Variants in CCDC178 observed in about 807,000 individuals in gnomAD.
CCDC178 encodes coiled-coil domain-containing protein 178.
A neutral mutation model predicts 117.4 loss-of-function variants in CCDC178; 126 were observed. The ratio of observed to expected loss-of-function variants is 1.07; its 90% CI spans 0.93 to 1.24. The LOEUF (loss-of-function observed/expected upper bound fraction) is 1.24, where lower values mean the gene tolerates loss of function less well. Ranked by LOEUF, CCDC178 falls within the 50% of genes most tolerant of loss-of-function variation. The pLI is 0.00. For synonymous variants in CCDC178, 283 were observed against 313.4 expected, an observed-to-expected ratio of 0.90 and a Z score of 1.02; for missense variants, 1,030 against 986.9, an observed-to-expected ratio of 1.04 and a Z score of -0.59.
intron 14 of CCDC178, among the ~76,000 whole-genome samples, chr18:33,249,719 T>C (rs1278191989): frequency 6.6e-6 from 1 of 152,102 alleles, no homozygotes; most frequent in African/African-American, 2.4e-5. Context: ...TCAGCTTTGT[T>C]CTTTTGGCTT....
intron 20 of CCDC178, among the ~76,000 whole-genome samples, chr18:33,101,787 G>A (rs942975770): frequency 6.6e-6 from 1 of 151,876 alleles, no homozygotes; most frequent in Admixed American, 6.6e-5. Flanking sequence ...AGGGGTTCCA[G>A]AACACATATT....
intron 20 of CCDC178, among the ~76,000 whole-genome samples, chr18:33,162,358 C>A (rs1197200794): frequency 2.0e-5 from 3 of 152,114 alleles, no homozygotes; most frequent in Non-Finnish European, 4.4e-5. Context: ...TGTTAAAGTT[C>A]ATTTGTAATA....
chr18:33,345,422 G>A lies in CCDC178; in HGVS notation c.658+789C>T, dbSNP rs562894792. The stretch of plus-strand genomic sequence containing the variant: ...ATTTCCTTTTTTACCTTTCGTTAAA[G>A]GTAAAACACTTGCTACCTGCATGAC... On this transcript the variant is annotated intron_variant, in intron 9 of 22. Coordinates refer to ENST00000383096, the MANE Select transcript of CCDC178 (RefSeq NM_001105528.4). 2.0e-5 allele frequency among the ~76,000 whole-genome samples: 3 copies of A among 152,198 alleles called. No homozygotes were observed. The East Asian group carries it at 5.8e-4, about 29-fold the overall frequency.
At chr18:33,250,672 A>G (rs1018811066) in intron 14 of CCDC178, among the ~76,000 whole-genome samples, 1 of 151,724 alleles carries the variant, frequency 6.6e-6, no homozygotes, top group Non-Finnish European at 1.5e-5. Context: ...CAATTCACAA[A>G]TCAACTATCA....
chr18:33,243,623 T>G (rs1270944565), intron 15 of CCDC178, among the ~76,000 whole-genome samples: 1 of 151,916 alleles, frequency 6.6e-6, no homozygotes, highest in Non-Finnish European at 1.5e-5. Flanking sequence ...AAACTTGCAT[T>G]GAATCTGTAA....
intron 20 of CCDC178, among the ~76,000 whole-genome samples, chr18:33,167,899 T>C (rs2058552427): frequency 1.3e-5 from 2 of 150,484 alleles, no homozygotes; most frequent in Admixed American, 6.6e-5. Context: ...AATAAATAAA[T>C]AATAAAAGTG....
intron 11 of CCDC178, among the ~76,000 whole-genome samples, chr18:33,321,830 G>A (rs571976684): frequency 6.6e-6 from 1 of 151,504 alleles, no homozygotes; most frequent in African/African-American, 2.4e-5. Context: ...ATTCATGAAC[G>A]CACTTAATGG....
chr18:32,962,524 G>C (rs1169662871), intron 22 of CCDC178, among the ~76,000 whole-genome samples: 1 of 151,984 alleles, frequency 6.6e-6, no homozygotes, highest in Admixed American at 6.6e-5. Context: ...TTTCTGGGTA[G>C]AGAATTCTGG....
At chr18:33,176,010 G>T (rs1164159676) in intron 20 of CCDC178, among the ~76,000 whole-genome samples, 1 of 151,750 alleles carries the variant, frequency 6.6e-6, no homozygotes, top group Non-Finnish European at 1.5e-5. Context: ...GGACACCTAT[G>T]TAGTTAAGGG....
At chr18:33,140,112 G>C (rs1231035573) in intron 20 of CCDC178, among the ~76,000 whole-genome samples, 1 of 152,164 alleles carries the variant, frequency 6.6e-6, no homozygotes, top group African/African-American at 2.4e-5. Flanking sequence ...CAAGAGTTGA[G>C]GTTTGGGAAC....
intron 21 of CCDC178, among the ~76,000 whole-genome samples, chr18:33,021,844 TTAG>T (rs1209191509): frequency 6.6e-6 from 1 of 152,218 alleles, no homozygotes; most frequent in Non-Finnish European, 1.5e-5. Context: ...TTATTGCCTC[TTAG>T]TGGTGGCTTC....
chr18:33,327,599 T>C (rs1467217210), intron 10 of CCDC178, among the ~76,000 whole-genome samples: 4 of 152,230 alleles, frequency 2.6e-5, no homozygotes, highest in Non-Finnish European at 4.4e-5. Context: ...CCAGTGTCTC[T>C]AGGGCATCCT....
At chr18:33,353,343 C>G (rs565221799) in intron 7 of CCDC178, among the ~76,000 whole-genome samples, 1 of 152,140 alleles carries the variant, frequency 6.6e-6, no homozygotes, top group East Asian at 1.9e-4. Context: ...ATTATCTATT[C>G]TTATCCATTC....
chr18:33,309,725 G>GA (rs1173188486), intron 11 of CCDC178, among the ~76,000 whole-genome samples: 2 of 151,736 alleles, frequency 1.3e-5, no homozygotes, highest in East Asian at 3.9e-4. Flanking sequence ...GTCTTATTGA[G>GA]AAAAAATAAT....
chr18:33,127,021 C>T (rs113155161), intron 20 of CCDC178, among the ~76,000 whole-genome samples: 11,025 of 132,702 alleles, frequency 0.083, 738 homozygotes, highest in African/African-American at 0.21. Context: ...TATATACACA[C>T]ACACACACAC....
intron 21 of CCDC178, among the ~76,000 whole-genome samples, chr18:32,979,163 C>CTT (rs967759770): frequency 3.2e-4 from 47 of 147,476 alleles, no homozygotes; most frequent in African/African-American, 1.1e-3. Flanking sequence ...AAATTAATAA[C>CTT]TTTTTTTTTT....
At chr18:33,207,925 T>TC (rs2059064854) in intron 20 of CCDC178, among the ~76,000 whole-genome samples, 1 of 151,998 alleles carries the variant, frequency 6.6e-6, no homozygotes, top group Non-Finnish European at 1.5e-5. Context: ...GCCCCATCCT[T>TC]CCTCTATATT....
chr18:33,271,399 A>G (rs2144785146), intron 12 of CCDC178, among the ~76,000 whole-genome samples: 1 of 151,736 alleles, frequency 6.6e-6, no homozygotes, highest in East Asian at 1.9e-4. Flanking sequence ...GGCTGGAAAA[A>G]GAAATTCCAT....
chr18:33,118,712 C>T (rs1598901805), intron 20 of CCDC178, among the ~76,000 whole-genome samples: 1 of 151,968 alleles, frequency 6.6e-6, no homozygotes, highest in Admixed American at 6.6e-5. Context: ...CATATGGAAC[C>T]AAAAAAGAGC....
Sources: gnomAD v4.1 joint callset for allele counts (sites outside exome capture counted in the v4.1 genomes callset) on GRCh38, gnomAD v4.1.1 for gene constraint, MANE v1.5 for transcripts, NCBI Gene and HGNC (gene_info 2026-07-23, HGNC 2026-07-21) for gene names.